The following GABRA3 variants were observed in gnomAD, a reference collection of about 807,000 sequenced individuals.
GABRA3 encodes the protein gamma-aminobutyric acid receptor subunit alpha-3.
Under a neutral mutation model 30.1 loss-of-function variants are expected in GABRA3, and 10 were observed. That is an observed-to-expected ratio of 0.33 (90% CI 0.20 to 0.56). The LOEUF (loss-of-function observed/expected upper bound fraction) is 0.56, where lower values mean the gene tolerates loss of function less well. GABRA3 is among the 20% of genes least tolerant of loss of function. The pLI, the probability that GABRA3 is intolerant of heterozygous loss-of-function variation, is 0.89. For synonymous variants in GABRA3, 151 were observed against 146.8 expected (o/e 1.03, Z -0.21); for missense variants, 233 against 392.0 (o/e 0.59, Z 3.42).
At chrX:152,361,571 CAAA>C (rs35341591) in intron 2 of GABRA3, among the ~76,000 whole-genome samples, 2 of 35,004 alleles carry the variant, frequency 5.7e-5, no homozygotes, top group Non-Finnish European at 1.2e-4. Context: ...GACTCCATCT[CAAA>C]AAAAAAAAAA....
intron 8 of GABRA3, among the ~76,000 whole-genome samples, chrX:152,192,269 T>C (rs919786528): frequency 8.9e-6 from 1 of 112,039 alleles, no homozygotes; most frequent in African/African-American, 3.2e-5. Flanking sequence ...TTTTAAAAGA[T>C]ATTCAGCCTG....
intron 3 of GABRA3, among the ~76,000 whole-genome samples, chrX:152,335,386 A>T (rs1940219077): frequency 8.9e-6 from 1 of 111,812 alleles, no homozygotes; most frequent in African/African-American, 3.3e-5. Flanking sequence ...GCAACAAAGT[A>T]TGGAGAAGTT....
intron 3 of GABRA3, among the ~76,000 whole-genome samples, chrX:152,321,833 A>G (rs1939968679): frequency 9.0e-6 from 1 of 111,017 alleles, no homozygotes; most frequent in Non-Finnish European, 1.9e-5. Context: ...CTTCATGTCA[A>G]ACATGCTGAA....
Position 152,339,410 on chromosome X carries a change from G to T in GABRA3, c.262+6171C>A, listed in dbSNP as rs183310861. On this transcript the variant is annotated intron_variant, in intron 3 of 9. Transcript: ENST00000370314. The stretch of plus-strand genomic sequence containing the variant: ...ATTTTTGTATGTTTAGTAGAGACGG[G>T]GTTTCACCATGTTGGCCAGGCTGGT... Among the ~76,000 whole-genome samples the T allele has an allele frequency of 5.4e-3, 593 of 109,914 alleles. 3 individuals carry two copies. Among genetic ancestry groups the T allele is most frequent in the Non-Finnish European group, 6.6e-3 (349 of 52,731 alleles).
At chrX:152,402,256 A>G (rs1338922267) in intron 1 of GABRA3, among the ~76,000 whole-genome samples, 1 of 111,837 alleles carries the variant, frequency 8.9e-6, no homozygotes, top group African/African-American at 3.3e-5. Flanking sequence ...TATTCTGCAG[A>G]CTGTGCCAAC....
In GABRA3 at chrX:152,167,052, T is replaced by G. The variant is rs924630999; in HGVS notation, c.*1176A>C. 1.8e-5 allele frequency: 2 copies of G among 112,175 alleles called. No individual in the cohort carries two copies. Among genetic ancestry groups the G allele is most frequent in the Non-Finnish European group, 3.8e-5 (2 of 53,297 alleles). 9.2% of individuals were successfully genotyped at this position (112,175 alleles called of 1,213,427 possible). A position where few individuals can be genotyped will look rare whatever the true frequency, so the allele number is the denominator to read the frequency against. On this transcript the variant is annotated 3_prime_UTR_variant, in exon 10 of 10. Coordinates refer to ENST00000370314, the MANE Select transcript of GABRA3 (RefSeq NM_000808.4). Reference sequence around the variant, plus strand: ...AAAATTGGCAATAAAGTTAATGATCTAGTTGACTCAATATTGACTAGAGAT... The same window carrying G: ...AAAATTGGCAATAAAGTTAATGATCGAGTTGACTCAATATTGACTAGAGAT...
intron 6 of GABRA3, among the ~76,000 whole-genome samples, chrX:152,216,389 AACACACACACACACACACACACACACAC>A (rs60255687): frequency 3.9e-5 from 3 of 77,615 alleles, no homozygotes; most frequent in East Asian, 4.0e-4. Flanking sequence ...ATAATATATA[AACACACACACACACACACACACACACAC>A]ACACACACAC....
intron 5 of GABRA3, among the ~76,000 whole-genome samples, chrX:152,241,841 C>T (rs1044655786): frequency 4.5e-5 from 5 of 112,012 alleles, no homozygotes; most frequent in Non-Finnish European, 7.5e-5. Flanking sequence ...CCAAGTGAGG[C>T]AATGCCTCGC....
chrX:152,370,658 G>A (rs895844851), intron 1 of GABRA3, among the ~76,000 whole-genome samples: 1 of 111,550 alleles, frequency 9.0e-6, no homozygotes. Context: ...TTTGGTCACT[G>A]TAAACTACAG....
At chrX:152,228,398 G>A (rs1375952285) in intron 5 of GABRA3, among the ~76,000 whole-genome samples, 2 of 111,537 alleles carry the variant, frequency 1.8e-5, no homozygotes, top group African/African-American at 6.5e-5. Context: ...TTATAAATCA[G>A]TTTTGCCCCT....
At chrX:152,379,314 T>A (rs968572394) in intron 1 of GABRA3, among the ~76,000 whole-genome samples, 3 of 111,679 alleles carry the variant, frequency 2.7e-5, no homozygotes, top group Non-Finnish European at 3.8e-5. Context: ...GTGATAATGA[T>A]AACATTGATA....
intron 1 of GABRA3, among the ~76,000 whole-genome samples, chrX:152,441,556 T>C (rs1167121082): frequency 9.0e-6 from 1 of 111,399 alleles, no homozygotes; most frequent in Non-Finnish European, 1.9e-5. Context: ...AAAAGTGGTG[T>C]GAGTGTGGAT....
chrX:152,253,686 T>C (rs61378717), intron 5 of GABRA3, among the ~76,000 whole-genome samples: 1,223 of 111,749 alleles, frequency 0.011, 24 homozygotes, highest in African/African-American at 0.038. Context: ...ATGCATTATT[T>C]ACCCAGTAAC....
At chrX:152,234,389 G>C (rs1028709663) in intron 5 of GABRA3, among the ~76,000 whole-genome samples, 7 of 110,413 alleles carry the variant, frequency 6.3e-5, no homozygotes, top group Non-Finnish European at 1.3e-4. Flanking sequence ...TGGAGGCATA[G>C]TTTGCATATA....
rs377095018 is a variant in GABRA3, at chrX:152,344,828, T to C, written c.262+753A>G. On this transcript the variant is annotated intron_variant, in intron 3 of 9. Transcript: ENST00000370314. The stretch of plus-strand genomic sequence containing the variant: ...CAGACACAACAATAAATGTAATGCA[T>C]AATCCTAGATTGAATCCTAAATCAA... 6.3e-5 allele frequency among the ~76,000 whole-genome samples: 7 copies of C among 111,803 alleles called. No homozygotes were observed. The East Asian group carries it at 1.4e-3, about 22-fold the overall frequency.
Position 152,416,552 on chromosome X carries a change from C to T in GABRA3, c.-27+34594G>A, listed in dbSNP as rs766646446. ...AAGTTCATATGGAACCAAAAAAGAG[C>T]CCGCATCGCCAAGTCAATCCTAAGC... On this transcript the variant is annotated intron_variant, in intron 1 of 9. Coordinates refer to ENST00000370314, the MANE Select transcript of GABRA3 (RefSeq NM_000808.4). Among the ~76,000 whole-genome samples, 466 of 110,255 alleles carry T rather than the reference C, an allele frequency of 4.2e-3. 3 individuals carry two copies. Among genetic ancestry groups the T allele is most frequent in the African/African-American group, 0.015 (450 of 30,395 alleles).
chrX:152,414,752 T>G (rs759417374), intron 1 of GABRA3, among the ~76,000 whole-genome samples: 1 of 109,877 alleles, frequency 9.1e-6, no homozygotes, highest in East Asian at 2.9e-4. Flanking sequence ...ATAGCAGCTT[T>G]GCTCATAATT....
chrX:152,176,401 G>C (rs1937076451), intron 9 of GABRA3, among the ~76,000 whole-genome samples: 2 of 111,959 alleles, frequency 1.8e-5, no homozygotes, highest in South Asian at 7.5e-4. Flanking sequence ...AATGAGGCTA[G>C]TGAAGAGGTG....
At chrX:152,219,077 G>GTCT (rs1165885673) in intron 6 of GABRA3, among the ~76,000 whole-genome samples, 1 of 111,141 alleles carries the variant, frequency 9.0e-6, no homozygotes, top group African/African-American at 3.3e-5. Flanking sequence ...TACGTCACCT[G>GTCT]TCTTCGCCTT....
Sources: allele counts gnomAD v4.1 joint callset (sites outside exome capture counted in the v4.1 genomes callset), GRCh38; gene constraint gnomAD v4.1.1; transcripts MANE v1.5; gene names NCBI Gene and HGNC (gene_info 2026-07-23, HGNC 2026-07-21).